Variants in CHRM3 observed in about 807,000 individuals in gnomAD.
CHRM3 encodes muscarinic acetylcholine receptor M3.
In CHRM3, 11 loss-of-function variants were observed where a neutral mutation model predicts 41.8. The observed-to-expected ratio is 0.26, with a 90% CI of 0.17 to 0.44. The LOEUF (loss-of-function observed/expected upper bound fraction) is 0.44, where lower values mean the gene tolerates loss of function less well. Ranked by LOEUF, CHRM3 falls within the 20% of genes least tolerant of loss-of-function variation. The pLI is 1.00. For missense variants in CHRM3, 571 were observed against 745.4 expected (o/e 0.77, Z 2.72); for synonymous variants, 297 against 301.4 (o/e 0.99, Z 0.15).
At chr1:239,884,823 C>G (rs1677935912) in intron 6 of CHRM3, among the ~76,000 whole-genome samples, 1 of 152,028 alleles carries the variant, frequency 6.6e-6, no homozygotes, top group Non-Finnish European at 1.5e-5. Context: ...TTAAAATATC[C>G]CTCAAAACCT....
chr1:239,580,689 T>TTTTATATATATATA (rs1553332703), intron 3 of CHRM3, among the ~76,000 whole-genome samples: 2 of 65,150 alleles, frequency 3.1e-5, no homozygotes, highest in East Asian at 4.1e-4. Context: ...TTGCCCAATT[T>TTTTATATATATATA]TATATATATA....
chr1:239,851,799 G>C (rs762177345), intron 6 of CHRM3, among the ~76,000 whole-genome samples: 2 of 152,050 alleles, frequency 1.3e-5, no homozygotes, highest in Non-Finnish European at 2.9e-5. Flanking sequence ...CATTAAAAAG[G>C]TATAGTTTTC....
intron 6 of CHRM3, among the ~76,000 whole-genome samples, chr1:239,843,090 C>T (rs980906437): frequency 5.3e-4 from 81 of 152,228 alleles, no homozygotes; most frequent in Middle Eastern, 3.4e-3. Context: ...GCCTTTATTG[C>T]CTTTTAGGGC....
At chr1:239,667,471 A>G (rs1336234892) in intron 4 of CHRM3, among the ~76,000 whole-genome samples, 1 of 152,000 alleles carries the variant, frequency 6.6e-6, no homozygotes, top group Non-Finnish European at 1.5e-5. Context: ...CCTACATCCT[A>G]TCAGGACGGC....
intron 5 of CHRM3, among the ~76,000 whole-genome samples, chr1:239,772,955 A>G (rs972682473): frequency 1.8e-4 from 28 of 152,148 alleles, no homozygotes; most frequent in Non-Finnish European, 1.0e-4. Context: ...TTGTTTTGTC[A>G]TTTCTGAATC....
At chr1:239,533,868 G>A (rs1040268368) in intron 2 of CHRM3, among the ~76,000 whole-genome samples, 2 of 151,870 alleles carry the variant, frequency 1.3e-5, no homozygotes, top group African/African-American at 4.8e-5. Flanking sequence ...CCCATGACAT[G>A]TGGGGATTAT....
chr1:239,700,173 C>T (rs748468057), intron 5 of CHRM3, among the ~76,000 whole-genome samples: 6 of 152,086 alleles, frequency 3.9e-5, no homozygotes, highest in African/African-American at 1.4e-4. Flanking sequence ...ACCTTTCTAT[C>T]GAGGTACCAG....
chr1:239,635,687 G>A (rs758399170), intron 4 of CHRM3, among the ~76,000 whole-genome samples: 6 of 152,134 alleles, frequency 3.9e-5, no homozygotes, highest in South Asian at 2.1e-4. Context: ...AAGACATGAC[G>A]AATTCTGTCG....
intron 3 of CHRM3, among the ~76,000 whole-genome samples, chr1:239,559,107 G>A (rs1385447652): frequency 6.6e-6 from 1 of 152,134 alleles, no homozygotes; most frequent in Non-Finnish European, 1.5e-5. Flanking sequence ...TAACACAAAT[G>A]TTTTGCACAA....
chr1:239,480,343 TTATC>T (rs1210049280), intron 1 of CHRM3, among the ~76,000 whole-genome samples: 2 of 152,144 alleles, frequency 1.3e-5, no homozygotes, highest in Non-Finnish European at 2.9e-5. Flanking sequence ...ATGTGTTTAT[TTATC>T]TATCTTTTAA....
intron 5 of CHRM3, among the ~76,000 whole-genome samples, chr1:239,732,030 T>C (rs1367891679): frequency 6.6e-6 from 1 of 152,028 alleles, no homozygotes; most frequent in Non-Finnish European, 1.5e-5. Flanking sequence ...CAGAAAAATC[T>C]CTGGGTCTAA....
chr1:239,823,356 C>G (rs76768474), intron 5 of CHRM3, among the ~76,000 whole-genome samples: 3,290 of 152,114 alleles, frequency 0.022, 55 homozygotes, highest in Non-Finnish European at 0.034. Context: ...AAGCCTGGTG[C>G]CTTGAGCAGG....
chr1:239,704,104 A>G (rs891446515), intron 5 of CHRM3: 1 of 152,150 alleles, frequency 6.6e-6, no homozygotes, highest in African/African-American at 2.4e-5. Flanking sequence ...TGTTTAGGGA[A>G]GTTTCTGAAA....
At position 239,827,546 on chromosome 1, in the gene CHRM3, A is replaced by G. The variant is rs12074644; in HGVS notation, c.-20+168A>G. Among the ~76,000 whole-genome samples the G allele has an allele frequency of 0.11, 16,618 of 152,130 alleles. 2,022 individuals carry two copies. The highest frequency in any genetic ancestry group is 0.3 in the African/African-American group (12,305 of 41,444). ...CCTCATTTATATGTTGAAGGTAATGATAGTTCCTACCTACTGCACAGGCTT... is the reference window on the plus strand; with the variant it reads ...CCTCATTTATATGTTGAAGGTAATGGTAGTTCCTACCTACTGCACAGGCTT... On this transcript the variant is annotated intron_variant, in intron 6 of 6. Transcript: ENST00000676153.
chr1:239,900,704 A>T (rs1161808982), intron 6 of CHRM3, among the ~76,000 whole-genome samples: 3 of 152,156 alleles, frequency 2.0e-5, no homozygotes, highest in Admixed American at 2.0e-4. Flanking sequence ...CAGGTGCTGA[A>T]TATTCCCTTG....
intron 1 of CHRM3, among the ~76,000 whole-genome samples, chr1:239,491,298 C>T (rs1207989281): frequency 6.6e-6 from 1 of 152,174 alleles, no homozygotes; most frequent in African/African-American, 2.4e-5. Context: ...TTCTTCCTAT[C>T]TAGCTGCACT....
chr1:239,760,281 C>T (rs550511240), intron 5 of CHRM3, among the ~76,000 whole-genome samples: 108 of 152,226 alleles, frequency 7.1e-4, no homozygotes, highest in Non-Finnish European at 1.3e-3. Flanking sequence ...TTTGTCTCCG[C>T]AGTGGGTTCT....
chr1:239,750,052 T>G (rs945258812), intron 5 of CHRM3, among the ~76,000 whole-genome samples: 3 of 152,218 alleles, frequency 2.0e-5, no homozygotes, highest in Non-Finnish European at 4.4e-5. Flanking sequence ...GTGCTATTAC[T>G]TCGTCATATT....
intron 3 of CHRM3, among the ~76,000 whole-genome samples, chr1:239,551,134 T>G (rs983757546): frequency 6.8e-6 from 1 of 147,598 alleles, no homozygotes; most frequent in Non-Finnish European, 1.5e-5. Context: ...TGCATATAAG[T>G]GTTACCATTC....
Sources: gnomAD v4.1 joint callset for allele counts (sites outside exome capture counted in the v4.1 genomes callset) on GRCh38, gnomAD v4.1.1 for gene constraint, MANE v1.5 for transcripts, NCBI Gene and HGNC (gene_info 2026-07-23, HGNC 2026-07-21) for gene names.